CACNA1A: variants seen among roughly 807,000 people sequenced by gnomAD.
CACNA1A encodes voltage-dependent P/Q-type calcium channel subunit alpha-1A.
CACNA1A carries 57 observed loss-of-function variants against 262.4 expected under a neutral mutation model. The ratio of observed to expected loss-of-function variants is 0.22; its 90% CI spans 0.18 to 0.27. The LOEUF (loss-of-function observed/expected upper bound fraction) is 0.27. Among genes scored for constraint, CACNA1A ranks in the 10% least tolerant of loss-of-function variants. CACNA1A has a pLI of 1.00. For synonymous variants in CACNA1A, 1,431 were observed against 1,419.3 expected (o/e 1.01, Z -0.18); for missense variants, 2,526 against 3,562.8 (o/e 0.71, Z 7.41).
intron 35 of CACNA1A, among the ~76,000 whole-genome samples, chr19:13,230,491 T>G (rs1212710202): frequency 2.0e-5 from 3 of 149,632 alleles, no homozygotes; most frequent in Non-Finnish European, 3.0e-5. Flanking sequence ...CAGAGAGAGA[T>G]GGAGAGAGAG....
At chr19:13,257,287 G>T in intron 28 of CACNA1A, 63 bp downstream of exon 28, 3 of 1,362,196 alleles carry the variant, frequency 2.2e-6, no homozygotes, top group Non-Finnish European at 3.1e-6. Context: ...TGGGTGTTGT[G>T]TGTGTTTTAA....
intron 1 of CACNA1A, among the ~76,000 whole-genome samples, chr19:13,464,006 AATAATCTATTACAGGGCCCTGC>A (rs2061173273): frequency 6.6e-6 from 1 of 152,194 alleles, no homozygotes; most frequent in Non-Finnish European, 1.5e-5. Flanking sequence ...TGATACACAC[AATAATCTATTACAGGGCCCTGC>A]ATATAGTAAG....
intron 10 of CACNA1A, among the ~76,000 whole-genome samples, chr19:13,324,964 T>G (rs2058325575): frequency 1.3e-5 from 2 of 152,040 alleles, no homozygotes; most frequent in Admixed American, 1.3e-4. Flanking sequence ...GATCAACTTT[T>G]TTTTGTTTTG....
chr19:13,215,869 G>A (rs1465362567), intron 38 of CACNA1A, among the ~76,000 whole-genome samples: 3 of 152,172 alleles, frequency 2.0e-5, no homozygotes, highest in Non-Finnish European at 4.4e-5. Flanking sequence ...TGACCCATCT[G>A]TTCAAGGCTG....
intron 31 of CACNA1A, chr19:13,235,950 G>T (rs1440399235): frequency 4.1e-6 from 2 of 485,360 alleles, no homozygotes; most frequent in Admixed American, 3.6e-5. Context: ...GGAGGAAAAG[G>T]CATCAACTCA....
In CACNA1A at chr19:13,212,597, C is replaced by T. The variant is rs778561511; in HGVS notation, c.6050+34G>A. On this transcript the variant is annotated intron_variant, in intron 41 of 46. Transcript: ENST00000360228. The surrounding 1 kb of genome is among the most constrained non-coding windows in gnomAD (Gnocchi z 5.6). ...CAGAACGTGGGGACCACGGCACCCCCACACTCCACCTCCCTGGCAGGGGTG... is the reference window on the plus strand; with the variant it reads ...CAGAACGTGGGGACCACGGCACCCCTACACTCCACCTCCCTGGCAGGGGTG... 2 of 1,509,086 alleles carry T rather than the reference C, an allele frequency of 1.3e-6. No individual in the cohort carries two copies. The highest frequency in any genetic ancestry group is 2.8e-5 in the African/African-American group (2 of 72,656). The allele number at this position is 1,509,086 out of a possible 1,614,324, so 93.5% of individuals were successfully genotyped here.
intron 6 of CACNA1A, among the ~76,000 whole-genome samples, chr19:13,352,097 C>G (rs1025363043): frequency 6.6e-6 from 1 of 152,080 alleles, no homozygotes; most frequent in Admixed American, 6.6e-5. Flanking sequence ...TAGGAATGAC[C>G]CGAGACCTTC....
At chr19:13,248,432 AAG>A (rs2056308935) in intron 30 of CACNA1A, among the ~76,000 whole-genome samples, 5 of 150,696 alleles carry the variant, frequency 3.3e-5, no homozygotes, top group East Asian at 1.9e-4. Flanking sequence ...AAAAAAAAAA[AAG>A]AGAAAGCAGA....
intron 1 of CACNA1A, among the ~76,000 whole-genome samples, chr19:13,462,302 A>T (rs2061137629): frequency 6.6e-6 from 1 of 152,172 alleles, no homozygotes; most frequent in African/African-American, 2.4e-5. Context: ...GGAAACAGAT[A>T]CTTGTAGCAG....
At chr19:13,276,528 T>C (rs2057151997) in intron 23 of CACNA1A, among the ~76,000 whole-genome samples, 1 of 152,128 alleles carries the variant, frequency 6.6e-6, no homozygotes, top group East Asian at 1.9e-4. Context: ...CCCCCTCACC[T>C]CCCCACTCAT....
intron 3 of CACNA1A, among the ~76,000 whole-genome samples, chr19:13,372,244 C>T (rs1384123766): frequency 6.6e-6 from 1 of 152,120 alleles, no homozygotes; most frequent in Non-Finnish European, 1.5e-5. Flanking sequence ...TCTCAGCTCA[C>T]TGCAACCTCT....
At chr19:13,463,587 C>A (rs1395694793) in intron 1 of CACNA1A, among the ~76,000 whole-genome samples, 1 of 152,156 alleles carries the variant, frequency 6.6e-6, no homozygotes, top group Non-Finnish European at 1.5e-5. Context: ...AAAACAAAAC[C>A]AGCAGCAACT....
intron 31 of CACNA1A, among the ~76,000 whole-genome samples, chr19:13,239,786 AGT>A (rs369158094): frequency 1.3e-5 from 2 of 150,654 alleles, no homozygotes; most frequent in Non-Finnish European, 3.0e-5. Flanking sequence ...AGAGAGGGCC[AGT>A]GTGTGTGTGT....
intron 1 of CACNA1A, among the ~76,000 whole-genome samples, chr19:13,488,558 C>T (rs1020929043): frequency 6.6e-6 from 1 of 151,552 alleles, no homozygotes; most frequent in Non-Finnish European, 1.5e-5. Context: ...GCCACCACAC[C>T]TGGGTAATTT....
chr19:13,431,029 T>C (rs1018768829), intron 3 of CACNA1A, among the ~76,000 whole-genome samples: 1 of 150,006 alleles, frequency 6.7e-6, no homozygotes, highest in Admixed American at 6.7e-5. Flanking sequence ...TGAAGCCGAG[T>C]GAGTGGAGAG....
intron 25 of CACNA1A, chr19:13,262,424 C>A: frequency 4.2e-6 from 1 of 240,006 alleles, no homozygotes; most frequent in Non-Finnish European, 8.1e-6. Flanking sequence ...AATCTAGTTC[C>A]TGCTTCCCAG....
intron 20 of CACNA1A, among the ~76,000 whole-genome samples, chr19:13,286,013 G>C (rs1445459492): frequency 7.3e-6 from 1 of 136,298 alleles, no homozygotes; most frequent in Non-Finnish European, 1.5e-5. Flanking sequence ...CTGCAGTACA[G>C]AGGTGCCATC....
chr19:13,243,841 G>C (rs997743867), intron 31 of CACNA1A: 6 of 152,496 alleles, frequency 3.9e-5, no homozygotes, highest in African/African-American at 1.4e-4. Flanking sequence ...TTACAGGCAT[G>C]AGCCACCGTG....
intron 3 of CACNA1A, among the ~76,000 whole-genome samples, chr19:13,403,168 TC>T (rs1056624018): frequency 1.3e-5 from 2 of 151,260 alleles, no homozygotes; most frequent in Non-Finnish European, 2.9e-5. Context: ...GTTCTCACCC[TC>T]CCCCACCTCA....
Sources: allele counts gnomAD v4.1 joint callset (sites outside exome capture counted in the v4.1 genomes callset), GRCh38; gene constraint gnomAD v4.1.1; non-coding constraint Gnocchi (gnomAD v3.1); transcripts MANE v1.5; gene names NCBI Gene and HGNC (gene_info 2026-07-23, HGNC 2026-07-21).